SLC44A5: variants seen among roughly 807,000 people sequenced by gnomAD.
The protein encoded by SLC44A5 is solute carrier family 44 member 5.
SLC44A5 carries 57 observed loss-of-function variants against 101.8 expected under a neutral mutation model. The ratio of observed to expected loss-of-function variants is 0.56; its 90% CI spans 0.45 to 0.70. The LOEUF is 0.70. Ranked by LOEUF, SLC44A5 falls within the 30% of genes least tolerant of loss-of-function variation. The probability of loss-of-function intolerance (pLI) is 0.00; values close to 1 mark genes in which losing one functional copy is unlikely to be tolerated. For missense variants in SLC44A5, 737 were observed against 853.1 expected (o/e 0.86, Z 1.70); for synonymous variants, 281 against 290.9 (o/e 0.97, Z 0.35).
intron 2 of SLC44A5, among the ~76,000 whole-genome samples, chr1:75,404,783 A>C (rs1662737075): frequency 6.6e-6 from 1 of 152,260 alleles, no homozygotes; most frequent in Non-Finnish European, 1.5e-5. Context: ...AAGACACTAC[A>C]TCAACTAATG....
chr1:75,278,905 T>C (rs1239808823), intron 5 of SLC44A5, among the ~76,000 whole-genome samples: 2 of 149,070 alleles, frequency 1.3e-5, no homozygotes, highest in Non-Finnish European at 2.9e-5. Context: ...TTTATTACTT[T>C]ATTTTATTTT....
At chr1:75,588,744 T>TC (rs1674169115) in intron 1 of SLC44A5, among the ~76,000 whole-genome samples, 1 of 14,050 alleles carries the variant, frequency 7.1e-5, no homozygotes, top group South Asian at 1.7e-3. Flanking sequence ...ACTGGTTTTT[T>TC]TAAAAAGCAG....
chr1:75,505,796 G>A (rs534582221), intron 2 of SLC44A5, among the ~76,000 whole-genome samples: 6 of 152,196 alleles, frequency 3.9e-5, no homozygotes, highest in African/African-American at 1.4e-4. Flanking sequence ...CTCCTATTCT[G>A]TGTGTTGTTG....
At chr1:75,679,789 A>C in the SLC44A5 span, among the ~76,000 whole-genome samples, 1 of 152,162 alleles carries the variant, frequency 6.6e-6, no homozygotes, top group African/African-American at 2.4e-5. Flanking sequence ...AAATGGACTA[A>C]ATGCTCCAAG....
In SLC44A5 at chr1:75,222,470, G is replaced by T; in HGVS notation, c.986-10C>A. On this transcript the variant is annotated splice_polypyrimidine_tract_variant and intron_variant, in intron 13 of 23. Transcript: ENST00000370859. ...ATGCAGAGTATTATCACTTTGAACA[G>T]GAAAAAAAAAATCAGTCTGTAATAC... is the stretch of plus-strand genomic sequence containing the variant. 1 of 1,550,122 alleles carries T rather than the reference G, an allele frequency of 6.5e-7. No individual in the cohort carries two copies. The highest frequency in any genetic ancestry group is 8.8e-7 in the Non-Finnish European group (1 of 1,133,698).
chr1:75,659,754 C>T, the SLC44A5 span, among the ~76,000 whole-genome samples: 2 of 151,076 alleles, frequency 1.3e-5, no homozygotes, highest in South Asian at 2.1e-4. Flanking sequence ...AGAGTGAGAC[C>T]CTGTCTCAAA....
At chr1:75,396,983 T>G (rs1331500456) in intron 2 of SLC44A5, among the ~76,000 whole-genome samples, 1 of 152,232 alleles carries the variant, frequency 6.6e-6, no homozygotes. Context: ...TTTCATTTTC[T>G]GTTCCTGCTT....
the SLC44A5 span, among the ~76,000 whole-genome samples, chr1:75,693,271 C>G: frequency 2.6e-5 from 4 of 152,172 alleles, no homozygotes; most frequent in Non-Finnish European, 4.4e-5. Flanking sequence ...TAGCAGTTTT[C>G]AGTATTGGCC....
chr1:75,653,530 G>T, the SLC44A5 span, among the ~76,000 whole-genome samples: 1 of 152,076 alleles, frequency 6.6e-6, no homozygotes, highest in East Asian at 1.9e-4. Flanking sequence ...ACATCTGAAG[G>T]GAATCTCTGT....
chr1:75,504,520 C>A (rs1411455832), intron 2 of SLC44A5, among the ~76,000 whole-genome samples: 3 of 152,120 alleles, frequency 2.0e-5, no homozygotes, highest in African/African-American at 7.2e-5. Context: ...ATACCTCAAT[C>A]ACTATGCTAA....
At chr1:75,345,029 G>T (rs1041548828) in intron 3 of SLC44A5, among the ~76,000 whole-genome samples, 3 of 152,024 alleles carry the variant, frequency 2.0e-5, no homozygotes, top group Non-Finnish European at 4.4e-5. Context: ...TTAAAAGAAT[G>T]TCAATGTAAT....
chr1:75,226,900 T>C (rs948085153), intron 13 of SLC44A5, among the ~76,000 whole-genome samples: 11 of 152,320 alleles, frequency 7.2e-5, no homozygotes, highest in African/African-American at 2.6e-4. Context: ...TTACATTTGT[T>C]AATATTAAAA....
At chr1:75,309,304 A>G (rs1570637554) in intron 4 of SLC44A5, among the ~76,000 whole-genome samples, 1 of 152,166 alleles carries the variant, frequency 6.6e-6, no homozygotes, top group Admixed American at 6.5e-5. Flanking sequence ...AATCAGCTGC[A>G]TGTGGTGGCA....
chr1:75,211,472 G>T lies in SLC44A5; in HGVS notation c.2043C>A (p.Cys681Ter). 1 of 1,610,762 alleles carries T rather than the reference G, an allele frequency of 6.2e-7. No individual in the cohort carries two copies. The highest frequency in any genetic ancestry group is 8.5e-7 in the Non-Finnish European group (1 of 1,177,604). Residue 681 changes from cysteine (C) to a stop codon, truncating the protein, a stop_gained, in exon 23 of 24, where the codon TGC becomes TGA. Coordinates refer to ENST00000370859, the MANE Select transcript of SLC44A5 (RefSeq NM_001130058.2). LOFTEE classifies it low-confidence loss of function (END_TRUNC). ...YAMCVETIFI[C>*]FLEDLERNDG... is the part of the protein sequence containing the mutation. ...ACACACATACTGAATACTCACAGAA[G>T]CAGATGAAAATTGTTTCAACACACA...
At chr1:75,413,061 T>C (rs1182400594) in intron 2 of SLC44A5, among the ~76,000 whole-genome samples, 1 of 152,184 alleles carries the variant, frequency 6.6e-6, no homozygotes, top group Non-Finnish European at 1.5e-5. Context: ...TATAGTACAA[T>C]ATGGTATTTT....
chr1:75,593,297 C>T (rs1268096026), intron 1 of SLC44A5, among the ~76,000 whole-genome samples: 1 of 151,950 alleles, frequency 6.6e-6, no homozygotes, highest in Non-Finnish European at 1.5e-5. Flanking sequence ...ATCATCTCAC[C>T]CCAGTTAAAA....
At chr1:75,525,588 A>G (rs1445594137) in intron 2 of SLC44A5, among the ~76,000 whole-genome samples, 1 of 152,162 alleles carries the variant, frequency 6.6e-6, no homozygotes, top group African/African-American at 2.4e-5. Context: ...GAGAAATGTA[A>G]CATGAATACA....
At chr1:75,653,502 C>G in the SLC44A5 span, among the ~76,000 whole-genome samples, 1 of 152,020 alleles carries the variant, frequency 6.6e-6, no homozygotes, top group Non-Finnish European at 1.5e-5. Flanking sequence ...AAAATAATGA[C>G]TCATGAGAGC....
chr1:75,708,805 T>C, the SLC44A5 span, among the ~76,000 whole-genome samples: 1 of 152,230 alleles, frequency 6.6e-6, no homozygotes, highest in African/African-American at 2.4e-5. Flanking sequence ...TTCTATGCAC[T>C]AAATTATACA....
Sources: gnomAD v4.1 joint callset for allele counts (sites outside exome capture counted in the v4.1 genomes callset) on GRCh38, gnomAD v4.1.1 for gene constraint, MANE v1.5 for transcripts, NCBI Gene and HGNC (gene_info 2026-07-23, HGNC 2026-07-21) for gene names.